Variants in TSEN15 observed in about 807,000 individuals in gnomAD.
The protein encoded by TSEN15 is tRNA splicing endonuclease subunit 15.
TSEN15 carries 10 observed loss-of-function variants against 20.5 expected under a neutral mutation model. The observed-to-expected ratio is 0.49, with a 90% confidence interval of 0.30 to 0.83. The LOEUF (loss-of-function observed/expected upper bound fraction) is 0.83, where lower values mean the gene tolerates loss of function less well. Ranked by LOEUF, TSEN15 falls within the 40% of genes least tolerant of loss-of-function variation. The pLI, the probability that TSEN15 is intolerant of heterozygous loss-of-function variation, is 0.06. For missense variants in TSEN15, 180 were observed against 218.6 expected (o/e 0.82, Z 1.11); for synonymous variants, 72 against 80.1 (o/e 0.90, Z 0.54).
intron 3 of TSEN15, among the ~76,000 whole-genome samples, chr1:184,091,959 C>T (rs1359828395): frequency 3.3e-5 from 5 of 152,152 alleles, no homozygotes; most frequent in African/African-American, 9.7e-5. Context: ...TATGTTGCAT[C>T]GACTCAGCAG....
intron 3 of TSEN15, among the ~76,000 whole-genome samples, chr1:184,070,370 A>G (rs1211730426): frequency 2.0e-5 from 3 of 152,000 alleles, no homozygotes; most frequent in African/African-American, 7.2e-5. Flanking sequence ...ACAGTCTACC[A>G]GTTAGGGATG....
At chr1:184,059,814 G>T (rs764108410) in intron 3 of TSEN15, among the ~76,000 whole-genome samples, 3 of 152,122 alleles carry the variant, frequency 2.0e-5, no homozygotes, top group Non-Finnish European at 4.4e-5. Context: ...CAAGTTATCT[G>T]CCCGCCTTGG....
chr1:184,089,317 TTG>T (rs958942732), intron 3 of TSEN15, among the ~76,000 whole-genome samples: 4 of 152,306 alleles, frequency 2.6e-5, no homozygotes, highest in Non-Finnish European at 5.9e-5. Context: ...CTCTTCTGGG[TTG>T]TGTTTTGTTT....
At position 184,072,837 on chromosome 1, in the gene TSEN15, T is replaced by A; in HGVS notation, c.506T>A (p.Leu169His). 6.2e-7 allele frequency: 1 copy of A among 1,606,748 alleles called. No individual in the cohort carries two copies. Among genetic ancestry groups the A allele is most frequent in the South Asian group, 1.1e-5 (1 of 88,750 alleles). The change falls in exon 5 of 5, where the codon CTT (leucine) becomes CAT (histidine). Residue 169 changes from leucine (L) to histidine (H), a missense_variant. Coordinates refer to ENST00000645668, the MANE Select transcript of TSEN15 (RefSeq NM_052965.4). ...FMLPDPQNIS[L>H]RR ...CTTTTTTTTTTCCAGAATATTTCTC[T>A]TAGAAGATGACATCCATGTTTCCTG...
At chr1:184,077,506 T>C (rs542075896), downstream of TSEN15, among the ~76,000 whole-genome samples, 4 of 152,306 alleles carry the variant, frequency 2.6e-5, no homozygotes, top group South Asian at 2.1e-4. Context: ...AGGAGTGATT[T>C]TGACTTTGAA....
chr1:184,082,343 A>G (rs983865783), intron 3 of TSEN15, among the ~76,000 whole-genome samples: 1 of 152,054 alleles, frequency 6.6e-6, no homozygotes, highest in African/African-American at 2.4e-5. Flanking sequence ...AACTCCAGGG[A>G]CATGTTGGGG....
downstream of TSEN15, among the ~76,000 whole-genome samples, chr1:184,075,910 A>ATATATATATATATATATATATATTTTT (rs760409158): frequency 3.2e-5 from 4 of 123,734 alleles, no homozygotes; most frequent in Admixed American, 2.4e-4. Flanking sequence ...ATATATATAT[A>ATATATATATATATATATATATATTTTT]TTTTTTTTTT....
intron 3 of TSEN15, among the ~76,000 whole-genome samples, chr1:184,061,798 C>G (rs1650465889): frequency 6.6e-6 from 1 of 152,124 alleles, no homozygotes; most frequent in Non-Finnish European, 1.5e-5. Flanking sequence ...CACTTACTTT[C>G]CCAGGCTTTA....
chr1:184,081,664 C>T (rs1412546074), intron 3 of TSEN15, among the ~76,000 whole-genome samples: 1 of 152,170 alleles, frequency 6.6e-6, no homozygotes, highest in Non-Finnish European at 1.5e-5. Context: ...TGGAGTTAAA[C>T]CTCAAACTAT....
intron 3 of TSEN15, chr1:184,095,154 G>T: frequency 2.5e-6 from 1 of 398,264 alleles, no homozygotes; most frequent in Non-Finnish European, 4.4e-6. Flanking sequence ...TGACTTGTTT[G>T]ACTGAACAGA....
chr1:184,053,664 A>G (rs1650134100), intron 1 of TSEN15, among the ~76,000 whole-genome samples: 2 of 152,318 alleles, frequency 1.3e-5, no homozygotes, highest in African/African-American at 2.4e-5. Context: ...CTGCAGGTGT[A>G]GGCCCCTGAA....
At chr1:184,086,403 G>A (rs1651262664) in intron 3 of TSEN15, among the ~76,000 whole-genome samples, 1 of 152,130 alleles carries the variant, frequency 6.6e-6, no homozygotes, top group African/African-American at 2.4e-5. Context: ...AAGATATAGG[G>A]TATGGATGGT....
chr1:184,086,958 A>C (rs1651272851), intron 3 of TSEN15, among the ~76,000 whole-genome samples: 1 of 152,132 alleles, frequency 6.6e-6, no homozygotes, highest in Non-Finnish European at 1.5e-5. Flanking sequence ...ATATCTTAAA[A>C]CCATCACAGG....
chr1:184,066,144 GTTAA>G (rs1650647778), intron 3 of TSEN15, among the ~76,000 whole-genome samples: 1 of 151,852 alleles, frequency 6.6e-6, no homozygotes, highest in Admixed American at 6.6e-5. Context: ...TCCATTTTTA[GTTAA>G]TTTTTATGAA....
chr1:184,095,521 G>T, intron 3 of TSEN15: 1 of 392,364 alleles, frequency 2.5e-6, no homozygotes, highest in Non-Finnish European at 4.5e-6. Context: ...CCTATATGGA[G>T]GTAATCAAAT....
exon 4 of TSEN15, chr1:184,096,204 C>T (rs1407647436): frequency 6.5e-6 from 1 of 152,964 alleles, no homozygotes; most frequent in Non-Finnish European, 1.5e-5. Flanking sequence ...CAGCATCTTT[C>T]CTCTGAGGGA....
At chr1:184,077,261 T>G (rs1284713411), downstream of TSEN15, among the ~76,000 whole-genome samples, 1 of 152,128 alleles carries the variant, frequency 6.6e-6, no homozygotes, top group African/African-American at 2.4e-5. Context: ...TCTACTCTAC[T>G]TATACTCTAT....
chr1:184,089,990 G>A (rs1161032359), intron 3 of TSEN15, among the ~76,000 whole-genome samples: 1 of 152,146 alleles, frequency 6.6e-6, no homozygotes, highest in African/African-American at 2.4e-5. Context: ...CCACTAAAAG[G>A]TCATGCATAA....
chr1:184,091,573 T>C (rs1451491078), intron 3 of TSEN15, among the ~76,000 whole-genome samples: 2 of 152,104 alleles, frequency 1.3e-5, no homozygotes, highest in Admixed American at 6.6e-5. Flanking sequence ...CATGTAGGTG[T>C]GTACATATAA....
Sources: allele counts gnomAD v4.1 joint callset (sites outside exome capture counted in the v4.1 genomes callset), GRCh38; gene constraint gnomAD v4.1.1; transcripts MANE v1.5; gene names NCBI Gene and HGNC (gene_info 2026-07-23, HGNC 2026-07-21).